The following ZNF385D variants were observed in gnomAD, a reference collection of about 807,000 sequenced individuals.
ZNF385D encodes zinc finger protein 659.
A neutral mutation model predicts 35.8 loss-of-function variants in ZNF385D; 15 were observed. The ratio of observed to expected loss-of-function variants is 0.42; its 90% confidence interval spans 0.28 to 0.64. ZNF385D has a LOEUF of 0.64. Among genes scored for constraint, ZNF385D ranks in the 30% least tolerant of loss-of-function variants. The pLI, the probability that ZNF385D is intolerant of heterozygous loss-of-function variation, is 0.23. For synonymous variants in ZNF385D, 212 were observed against 186.8 expected, an observed-to-expected ratio of 1.13 and a Z score of -1.10; for missense variants, 474 against 494.6, an observed-to-expected ratio of 0.96 and a Z score of 0.39.
chr3:22,150,394 G>C (rs532922166), intron 3 of ZNF385D, among the ~76,000 whole-genome samples: 3 of 151,998 alleles, frequency 2.0e-5, no homozygotes, highest in African/African-American at 7.2e-5. Context: ...ATTCATACTA[G>C]ATTTTACCTA....
chr3:22,315,732 T>A (rs573986743), intron 2 of ZNF385D, among the ~76,000 whole-genome samples: 1 of 152,182 alleles, frequency 6.6e-6, no homozygotes, highest in Non-Finnish European at 1.5e-5. Context: ...CTGTTCTCAG[T>A]CATTCCCAGG....
intron 2 of ZNF385D, among the ~76,000 whole-genome samples, chr3:22,187,379 G>T (rs1234703944): frequency 1.3e-5 from 2 of 152,002 alleles, no homozygotes; most frequent in African/African-American, 4.8e-5. Flanking sequence ...CACTTTGGGT[G>T]GCTTAAACTA....
chr3:22,335,956 T>C (rs1695141937), intron 2 of ZNF385D, among the ~76,000 whole-genome samples: 2 of 152,152 alleles, frequency 1.3e-5, no homozygotes, highest in South Asian at 4.1e-4. Flanking sequence ...TGGGACTTTG[T>C]GTTGTCTGAA....
At chr3:21,750,770 A>C in intron 1 of ZNF385D, 125 bp downstream of exon 1, 2 of 1,179,296 alleles carry the variant, frequency 1.7e-6, no homozygotes, top group Non-Finnish European at 2.5e-6. Context: ...TTGGTCCTCC[A>C]GTTGCCAACT....
chr3:21,956,181 T>A (rs1303544586), intron 3 of ZNF385D, among the ~76,000 whole-genome samples: 1 of 151,134 alleles, frequency 6.6e-6, no homozygotes, highest in African/African-American at 2.4e-5. Flanking sequence ...AGTGAGACTA[T>A]GTCTCAGGAA....
At chr3:22,074,577 A>C (rs1700376429) in intron 3 of ZNF385D, among the ~76,000 whole-genome samples, 1 of 151,964 alleles carries the variant, frequency 6.6e-6, no homozygotes, top group African/African-American at 2.4e-5. Flanking sequence ...CAAACCTCAT[A>C]TTGATACTGC....
At chr3:21,461,918 T>G (rs1703204529) in intron 4 of ZNF385D, among the ~76,000 whole-genome samples, 1 of 152,008 alleles carries the variant, frequency 6.6e-6, no homozygotes, top group Admixed American at 6.6e-5. Context: ...TCTGAGCACT[T>G]AAGTATCTGA....
At chr3:22,371,060 G>A (rs182470966) in intron 2 of ZNF385D, among the ~76,000 whole-genome samples, 1 of 152,296 alleles carries the variant, frequency 6.6e-6, no homozygotes, top group East Asian at 1.9e-4. Context: ...CATCTGGAAA[G>A]AAATGTGAAG....
chr3:21,713,458 A>G (rs1315142643), intron 1 of ZNF385D, among the ~76,000 whole-genome samples: 1 of 152,082 alleles, frequency 6.6e-6, no homozygotes, highest in African/African-American at 2.4e-5. Flanking sequence ...GGTGGGGTAT[A>G]CATTCTAAGT....
At position 22,057,588 on chromosome 3, in the gene ZNF385D, C is replaced by A. The variant is rs144613388; in HGVS notation, c.325+111229G>T. 6.7e-4 allele frequency among the ~76,000 whole-genome samples: 101 copies of A among 151,468 alleles called. 1 individual carries two copies. The highest frequency in any genetic ancestry group is 2.4e-3 in the African/African-American group (98 of 41,244). On this transcript the variant is annotated intron_variant, in intron 3 of 5. Coordinates refer to the ZNF385D transcript ENST00000494108. ...GCTGTGGTGTGATCTCAACTCACTG[C>A]AGCCTCCATCTCCTGTGTTGAAGCA...
At chr3:22,171,778 G>A (rs1694452973) in intron 2 of ZNF385D, among the ~76,000 whole-genome samples, 1 of 150,858 alleles carries the variant, frequency 6.6e-6, no homozygotes, top group African/African-American at 2.4e-5. Flanking sequence ...TCGGGAGGCT[G>A]AGGCAGGAGA....
rs74801013 is a variant in ZNF385D, at chr3:22,295,225, T to G, written c.106+77225A>C. On this transcript the variant is annotated intron_variant, in intron 2 of 5. Coordinates refer to the ZNF385D transcript ENST00000494108. ...ACAGTCTTTCAGAGGCTGTGAAAAT[T>G]ATAGTAAAATACTACTAAAACATTC... 3.3e-3 allele frequency among the ~76,000 whole-genome samples: 500 copies of G among 152,274 alleles called. 6 individuals are homozygous for G. The highest frequency in any genetic ancestry group is 0.011 in the African/African-American group (478 of 41,570).
At chr3:22,342,519 T>C (rs1405033162) in intron 2 of ZNF385D, among the ~76,000 whole-genome samples, 3 of 152,054 alleles carry the variant, frequency 2.0e-5, no homozygotes, top group African/African-American at 4.8e-5. Flanking sequence ...TAGAAACTCA[T>C]ATATATCCCA....
intron 3 of ZNF385D, among the ~76,000 whole-genome samples, chr3:21,940,327 G>A (rs1056927594): frequency 6.6e-6 from 1 of 152,120 alleles, no homozygotes; most frequent in African/African-American, 2.4e-5. Flanking sequence ...CACCCATTTA[G>A]TGGCAAGTTG....
chr3:22,332,992 C>T (rs1695007588), intron 2 of ZNF385D, among the ~76,000 whole-genome samples: 1 of 151,904 alleles, frequency 6.6e-6, no homozygotes, highest in African/African-American at 2.4e-5. Context: ...TCAGAGAAGG[C>T]CTGCTGGAAA....
chr3:21,731,701 G>A (rs1372360527), intron 1 of ZNF385D, among the ~76,000 whole-genome samples: 1 of 151,980 alleles, frequency 6.6e-6, no homozygotes, highest in Non-Finnish European at 1.5e-5. Context: ...CACTAATACT[G>A]TATTTTGAAT....
chr3:22,254,638 T>A (rs1022321077), intron 2 of ZNF385D, among the ~76,000 whole-genome samples: 7 of 151,670 alleles, frequency 4.6e-5, no homozygotes, highest in African/African-American at 1.7e-4. Context: ...GTATATTTTG[T>A]TTTTTCCTAT....
intron 3 of ZNF385D, among the ~76,000 whole-genome samples, chr3:22,095,068 C>A (rs984492560): frequency 1.3e-5 from 2 of 150,080 alleles, no homozygotes; most frequent in Non-Finnish European, 3.0e-5. Flanking sequence ...TCACCATGCC[C>A]AGTTATTTTT....
intron 2 of ZNF385D, among the ~76,000 whole-genome samples, chr3:22,213,106 A>AT (rs1697632711): frequency 6.6e-6 from 1 of 152,016 alleles, no homozygotes; most frequent in African/African-American, 2.4e-5. Context: ...TTAAAAGGAC[A>AT]TTTTTTCAAA....
Sources: gnomAD v4.1 joint callset for allele counts (sites outside exome capture counted in the v4.1 genomes callset) on GRCh38, gnomAD v4.1.1 for gene constraint, MANE v1.5 for transcripts, NCBI Gene and HGNC (gene_info 2026-07-23, HGNC 2026-07-21) for gene names.